The following TBKBP1 variants were observed in gnomAD, a reference collection of about 807,000 sequenced individuals.
The protein encoded by TBKBP1 is TANK-binding kinase 1-binding protein 1.
TBKBP1 carries 47 observed loss-of-function variants against 69.9 expected under a neutral mutation model. That is an observed-to-expected ratio of 0.67 (90% confidence interval 0.53 to 0.86). The LOEUF (loss-of-function observed/expected upper bound fraction) is 0.86. Among genes scored for constraint, TBKBP1 ranks in the 40% least tolerant of loss-of-function variants. TBKBP1 has a pLI of 0.00. For synonymous variants in TBKBP1, 418 were observed against 390.3 expected, an observed-to-expected ratio of 1.07 and a Z score of -0.84; for missense variants, 831 against 858.6, an observed-to-expected ratio of 0.97 and a Z score of 0.40.
rs201829422 is a variant in TBKBP1, at chr17:47,710,584, C to G, written c.1806C>G (p.Leu602=). 1.0e-4 allele frequency: 164 copies of G among 1,612,010 alleles called. No homozygotes were observed. In the African/African-American group the frequency reaches 1.8e-3, roughly 17 times the overall value. ...GFPVGYPDDA[L]IKHIDSHLEN... ...CTGTCGGGTACCCGGATGATGCCCT[C>G]ATCAAACACATTGACTCCCACCTGG... The change falls in exon 10 of 10, where the codon CTC becomes CTG. Residue 602 remains leucine, a synonymous_variant. Coordinates refer to ENST00000578982, the MANE Select transcript of TBKBP1 (RefSeq NM_001394755.1).
chr17:47,700,198 C>T (rs900770337), intron 7 of TBKBP1, among the ~76,000 whole-genome samples: 2 of 150,838 alleles, frequency 1.3e-5, no homozygotes, highest in East Asian at 1.9e-4. Context: ...ACTGCGTTAG[C>T]CAGGATGGTC....
chr17:47,709,160 C>A lies in TBKBP1; in HGVS notation c.1427C>A (p.Pro476Gln). The change falls in exon 9 of 10, where the codon CCG (proline) becomes CAG (glutamine). Residue 476 changes from proline (P) to glutamine (Q), a missense_variant. Pro to Gln is a moderately conservative substitution (Grantham distance 76, BLOSUM62 -1). Coordinates refer to ENST00000578982, the MANE Select transcript of TBKBP1 (RefSeq NM_001394755.1). ...AEGAAYAGAS[P>Q]PWLQAEAATL... ...GGCGCGGCCTACGCGGGCGCCTCCC[C>A]GCCCTGGCTGCAGGCCGAAGCGGCC... 1.4e-6 allele frequency: 2 copies of A among 1,430,368 alleles called. No individual in the cohort carries two copies. The highest frequency in any genetic ancestry group is 2.2e-4 in the Middle Eastern group (1 of 4,506). The allele number at this position is 1,430,368 out of a possible 1,614,324, so 88.6% of individuals were successfully genotyped here. A position where few individuals can be genotyped will look rare whatever the true frequency, so the allele number is the denominator to read the frequency against.
intron 4 of TBKBP1, 32 bp from the exon 5 acceptor site, chr17:47,698,563 G>A (rs1351635784): frequency 6.5e-7 from 1 of 1,549,818 alleles, no homozygotes; most frequent in Non-Finnish European, 8.7e-7. Flanking sequence ...TCCTGGGCCT[G>A]TGCAGACCCT....
intron 7 of TBKBP1, among the ~76,000 whole-genome samples, chr17:47,705,389 A>G (rs1051163558): frequency 6.6e-6 from 1 of 152,252 alleles, no homozygotes. Flanking sequence ...GGAGATGAAT[A>G]AAGTTCTCAG....
rs748641555 is a variant in TBKBP1 at position 47,710,675 on chromosome 17, C to G, written c.*49C>G. ...GTTTCTCCGTCCTCTCCTATCACCC[C>G]CAAACACTCACTTTGAATGCTGCAT... On this transcript the variant is annotated 3_prime_UTR_variant, in exon 10 of 10. Coordinates refer to ENST00000578982, the MANE Select transcript of TBKBP1 (RefSeq NM_001394755.1). The G allele has an allele frequency of 4.5e-6, 7 of 1,572,084 alleles. No individual in the cohort carries two copies. In the Admixed American group the frequency reaches 1.0e-4, roughly 23 times the overall value.
rs750417681 is a variant in TBKBP1, at chr17:47,709,318, C to T, written c.1585C>T (p.Pro529Ser). The change falls in exon 9 of 10, where the codon CCC (proline) becomes TCC (serine). Residue 529 changes from proline (P) to serine (S), a missense_variant. Coordinates refer to ENST00000578982, the MANE Select transcript of TBKBP1 (RefSeq NM_001394755.1). ...GTCGGAGGAGGACGAGTGGGCTGTGCCCACCAGCCCGCCCAGCCCGGAGGT... is the reference window on the plus strand; with the variant it reads ...GTCGGAGGAGGACGAGTGGGCTGTGTCCACCAGCCCGCCCAGCCCGGAGGT... ...QPSEEDEWAV[P>S]TSPPSPEVGT... 66 of 1,527,558 alleles carry T rather than the reference C, an allele frequency of 4.3e-5. No homozygotes were observed. The highest frequency in any genetic ancestry group is 5.5e-5 in the Non-Finnish European group (63 of 1,143,960). 94.6% of individuals were successfully genotyped at this position (1,527,558 alleles called of 1,614,324 possible). A position where few individuals can be genotyped will look rare whatever the true frequency, so the allele number is the denominator to read the frequency against.
chr17:47,708,409 G>T lies in TBKBP1; in HGVS notation c.888G>T (p.Leu296=). Residue 296 remains leucine, a synonymous_variant, in exon 8 of 10, where the codon CTG becomes CTT. Transcript: ENST00000578982. This position sits in a 1 kb window ranked among gnomAD's most constrained non-coding sequence, Gnocchi z 4.4. ...CTGACTTCAGGGTGAATTTGGCGCT[G>T]GCCTACACCGAGCTGACGGAGGAGC... ...RVGDDQVNLA[L]AYTELTEELG... The T allele has an allele frequency of 6.2e-7, 1 of 1,613,896 alleles. No individual in the cohort carries two copies. The highest frequency in any genetic ancestry group is 1.1e-5 in the South Asian group (1 of 91,084).
Position 47,708,441 on chromosome 17 carries a change from G to A in TBKBP1, c.920G>A (p.Arg307Gln), listed in dbSNP as rs1201118131. 6.2e-7 allele frequency: 1 copy of A among 1,613,886 alleles called. No homozygotes were observed. The highest frequency in any genetic ancestry group is 1.6e-4 in the Middle Eastern group (1 of 6,062). Residue 307 changes from arginine to glutamine, a missense_variant, in exon 8 of 10, where the codon CGG becomes CAG. Coordinates refer to ENST00000578982, the MANE Select transcript of TBKBP1 (RefSeq NM_001394755.1). The surrounding 1 kb of genome is among the most constrained non-coding windows in gnomAD (Gnocchi z 4.4). ...AYTELTEELG[R>Q]LRELSSLQGR... ...ACCGAGCTGACGGAGGAGCTGGGCC[G>A]GCTTCGGGAGTTGAGTTCCCTACAG... is the stretch of plus-strand genomic sequence containing the variant.
chr17:47,703,469 G>A (rs1425618872), intron 7 of TBKBP1, among the ~76,000 whole-genome samples: 1 of 152,184 alleles, frequency 6.6e-6, no homozygotes, highest in South Asian at 2.1e-4. Flanking sequence ...GGGCACCCGC[G>A]CTGCACTCAC....
In TBKBP1 at chr17:47,708,754, C is replaced by T; in HGVS notation, c.1021C>T (p.His341Tyr). The T allele has an allele frequency of 6.8e-7, 1 of 1,461,794 alleles. No homozygotes were observed. The highest frequency in any genetic ancestry group is 9.1e-7 in the Non-Finnish European group (1 of 1,099,698). 90.6% of individuals were successfully genotyped at this position (1,461,794 alleles called of 1,614,324 possible). A position where few individuals can be genotyped will look rare whatever the true frequency, so the allele number is the denominator to read the frequency against. ...GQRHSPLSQR[H>Y]SPAPQCPSPS... is the part of the protein sequence containing the mutation. ...GAGGCACTCGCCGCTGTCACAACGC[C>T]ACTCCCCGGCCCCCCAGTGCCCCTC... is the stretch of plus-strand genomic sequence containing the variant. The change falls in exon 9 of 10, where the codon CAC becomes TAC. Residue 341 changes from histidine to tyrosine, a missense_variant. Transcript: ENST00000578982. This position sits in a 1 kb window ranked among gnomAD's most constrained non-coding sequence, Gnocchi z 4.4.
rs529666584 is a variant in TBKBP1, at chr17:47,699,661, G to A, written c.836G>A (p.Arg279Gln). 27 of 1,613,978 alleles carry A rather than the reference G, an allele frequency of 1.7e-5. 1 individual carries two copies. The East Asian group carries it at 2.2e-4, about 13-fold the overall frequency. The change falls in exon 7 of 10, where the codon CGA becomes CAA. Residue 279 changes from arginine (R) to glutamine (Q), a missense_variant. By Grantham distance (43) the Arg-to-Gln change is conservative. Transcript: ENST00000578982. ...GATCTGGCCTCCAACCAGTCGGAGCGAGACATGGCGTGGGTGAAAAGAGTT... is the reference window on the plus strand; with the variant it reads ...GATCTGGCCTCCAACCAGTCGGAGCAAGACATGGCGTGGGTGAAAAGAGTT... ...AQDLASNQSE[R>Q]DMAWVKRVGD... is the part of the protein sequence containing the mutation.
At chr17:47,699,561 C>T in intron 6 of TBKBP1, 66 bp downstream of exon 6, 1 of 1,613,438 alleles carries the variant, frequency 6.2e-7, no homozygotes, top group East Asian at 2.2e-5. Flanking sequence ...TGTGTGCAGA[C>T]TGGCCCAGGG....
At position 47,700,289 on chromosome 17, in the gene TBKBP1, C is replaced by CT. The variant is rs774797034; in HGVS notation, c.872+619dup. On this transcript the variant is annotated intron_variant, in intron 7 of 9. Coordinates refer to ENST00000578982, the MANE Select transcript of TBKBP1 (RefSeq NM_001394755.1). ...TAGGAGTGAGCCACTGCGCCCGGACCTTTTTTTTTTTTTTTTTTTTTTTTT... is the reference window on the plus strand; with the variant it reads ...TAGGAGTGAGCCACTGCGCCCGGACCTTTTTTTTTTTTTTTTTTTTTTTTTT... 4.7e-3 allele frequency among the ~76,000 whole-genome samples: 195 copies of CT among 41,452 alleles called. 14 individuals carry two copies. The highest frequency in any genetic ancestry group is 0.011 in the African/African-American group (81 of 7,290). 27.2% of individuals were successfully genotyped at this position (41,452 alleles called of 152,430 possible). A position where few individuals can be genotyped will look rare whatever the true frequency, so the allele number is the denominator to read the frequency against.
In TBKBP1 at chr17:47,710,895, C is replaced by A; in HGVS notation, c.*269C>A. 2.8e-6 allele frequency: 1 copy of A among 361,942 alleles called. No homozygotes were observed. The highest frequency in any genetic ancestry group is 4.8e-5 in the East Asian group (1 of 20,744). The allele number at this position is 361,942 out of a possible 1,614,324, so 22.4% of individuals were successfully genotyped here. On this transcript the variant is annotated 3_prime_UTR_variant, in exon 10 of 10. Coordinates refer to ENST00000578982, the MANE Select transcript of TBKBP1 (RefSeq NM_001394755.1). ...TTGGGCTGGGATGGGGACGGCATAC[C>A]CCTCCCAGGCCTCTCCCTCTGCCTT...
At chr17:47,705,416 G>A (rs1341628185) in intron 7 of TBKBP1, among the ~76,000 whole-genome samples, 3 of 152,310 alleles carry the variant, frequency 2.0e-5, no homozygotes, top group Non-Finnish European at 4.4e-5. Flanking sequence ...GCCTGGCCCC[G>A]GGGTGAGCAC....
At chr17:47,697,829 G>C (rs1158310057) in intron 4 of TBKBP1, among the ~76,000 whole-genome samples, 1 of 151,658 alleles carries the variant, frequency 6.6e-6, no homozygotes, top group Non-Finnish European at 1.5e-5. Flanking sequence ...CACACCTGTG[G>C]TCCCAGCTAC....
Position 47,709,036 on chromosome 17 carries a change from GGCGA to G in TBKBP1, c.1305_1308del (p.Glu436GlyfsTer16). The G allele has an allele frequency of 7.9e-7, 1 of 1,264,518 alleles. No individual in the cohort carries two copies. Among genetic ancestry groups the G allele is most frequent in the Non-Finnish European group, 1.0e-6 (1 of 1,001,864 alleles). 78.3% of individuals were successfully genotyped at this position (1,264,518 alleles called of 1,614,324 possible). A position where few individuals can be genotyped will look rare whatever the true frequency, so the allele number is the denominator to read the frequency against. On this transcript the variant is annotated frameshift_variant, in exon 9 of 10. Coordinates refer to ENST00000578982, the MANE Select transcript of TBKBP1 (RefSeq NM_001394755.1). LOFTEE classifies it high-confidence loss of function. ...CCGGCCACCGCCGCCGCCCCCGCCG[GGCGA>G]GAGGACGCTGGCCGAGCGCGCCTAC...
intron 9 of TBKBP1, among the ~76,000 whole-genome samples, chr17:47,709,654 C>T (rs929374873): frequency 2.6e-5 from 4 of 152,258 alleles, no homozygotes; most frequent in African/African-American, 7.2e-5. Flanking sequence ...GGGCCTGCCC[C>T]ATTAAGATTT....
At chr17:47,703,156 C>T (rs1739645905) in intron 7 of TBKBP1, among the ~76,000 whole-genome samples, 1 of 152,026 alleles carries the variant, frequency 6.6e-6, no homozygotes, top group Non-Finnish European at 1.5e-5. Flanking sequence ...TCTTTCTTCC[C>T]AACGTTGGGG....
Sources: allele counts gnomAD v4.1 joint callset (sites outside exome capture counted in the v4.1 genomes callset), GRCh38; gene constraint gnomAD v4.1.1; non-coding constraint Gnocchi (gnomAD v3.1); transcripts MANE v1.5; gene names NCBI Gene and HGNC (gene_info 2026-07-23, HGNC 2026-07-21).